The following PARVG variants were observed in gnomAD, a reference collection of about 807,000 sequenced individuals.
PARVG encodes the protein gamma-parvin.
PARVG carries 36 observed loss-of-function variants against 44.4 expected under a neutral mutation model. The observed-to-expected ratio is 0.81, with a 90% CI of 0.62 to 1.07. PARVG has a LOEUF of 1.07. Ranked by LOEUF, PARVG falls within the 50% of genes least tolerant of loss-of-function variation. The probability of loss-of-function intolerance (pLI) is 0.00; values close to 1 mark genes in which losing one functional copy is unlikely to be tolerated. For synonymous variants in PARVG, 170 were observed against 174.1 expected (o/e 0.98, Z 0.19); for missense variants, 407 against 407.4 (o/e 1.00, Z 0.01).
At position 44,193,814 on chromosome 22, in the gene PARVG, G is replaced by A. The variant is rs143986892; in HGVS notation, c.574G>A (p.Glu192Lys). The change falls in exon 9 of 14, where the codon GAG (glutamate) becomes AAG (lysine). Residue 192 changes from glutamate (E) to lysine (K), a missense_variant. Transcript: ENST00000444313. ...CCCACTGCACAGCACAGACAAGGAC[G>A]AGCCTCCAAGTGAGTACTTTCATCA... The part of the protein sequence containing the change: ...QLTEYSTDKD[E>K]PPKDVFDELF... 4.2e-5 allele frequency: 68 copies of A among 1,614,022 alleles called. No homozygotes were observed. The highest frequency in any genetic ancestry group is 5.4e-5 in the Non-Finnish European group (64 of 1,179,996).
intron 12 of PARVG, among the ~76,000 whole-genome samples, chr22:44,202,330 G>A (rs1361636713): frequency 6.6e-6 from 1 of 152,198 alleles, no homozygotes; most frequent in African/African-American, 2.4e-5. Flanking sequence ...GAGGAGAGAA[G>A]GCGGAGGAAG....
chr22:44,185,792 C>A lies in PARVG; in HGVS notation c.80-16C>A. ...ACAGGGTCCCCATGCGCTTGTCATA[C>A]CCACTCTGCTTCCAGGAGGAAAGAA... On this transcript the variant is annotated splice_polypyrimidine_tract_variant and intron_variant, in intron 3 of 13. Transcript: ENST00000444313. 1.2e-6 allele frequency: 2 copies of A among 1,611,138 alleles called. No individual in the cohort carries two copies. The highest frequency in any genetic ancestry group is 8.5e-7 in the Non-Finnish European group (1 of 1,177,998).
intron 12 of PARVG, among the ~76,000 whole-genome samples, chr22:44,199,978 G>C (rs1223767483): frequency 1.3e-5 from 2 of 152,146 alleles, no homozygotes; most frequent in East Asian, 3.9e-4. Context: ...CTGGGGAAGA[G>C]GGATGAAGAG....
chr22:44,181,608 A>G, intron 1 of PARVG, 134 bp from the exon 2 acceptor site: 3 of 677,200 alleles, frequency 4.4e-6, no homozygotes, highest in Non-Finnish European at 5.5e-6. Context: ...AAATGAAAGC[A>G]TTGAGTTTAA....
intron 4 of PARVG, 47 bp from the exon 5 acceptor site, chr22:44,187,729 G>A: frequency 6.3e-7 from 1 of 1,584,566 alleles, no homozygotes; most frequent in South Asian, 1.1e-5. Context: ...GGAGGGCCAG[G>A]TGAGAAGTCT....
intron 12 of PARVG, among the ~76,000 whole-genome samples, chr22:44,198,936 A>G (rs1378834251): frequency 1.8e-4 from 10 of 56,450 alleles, no homozygotes; most frequent in Admixed American, 3.5e-4. Flanking sequence ...CCATCCATCC[A>G]TCCACCCACC....
intron 11 of PARVG, among the ~76,000 whole-genome samples, 159 bp downstream of exon 11, chr22:44,196,574 C>T (rs2054620592): frequency 6.6e-6 from 1 of 150,810 alleles, no homozygotes; most frequent in African/African-American, 2.4e-5. Context: ...TGCTGGCAGG[C>T]AGCAGTGGTC....
At chr22:44,178,598 C>T (rs566058399), upstream of PARVG, among the ~76,000 whole-genome samples, 2 of 152,120 alleles carry the variant, frequency 1.3e-5, no homozygotes, top group Non-Finnish European at 1.5e-5. Context: ...GACCCACAAT[C>T]GGGAGAAAAA....
At chr22:44,172,956 C>T in exon 1 of PARVG, 1 of 1,285,064 alleles carries the variant, frequency 7.8e-7, no homozygotes, top group Non-Finnish European at 1.0e-6. Context: ...TGTCCACCGT[C>T]TTTGTTTGGC....
chr22:44,200,899 C>T (rs955320706), intron 12 of PARVG, among the ~76,000 whole-genome samples: 3 of 152,074 alleles, frequency 2.0e-5, no homozygotes, highest in Non-Finnish European at 2.9e-5. Flanking sequence ...CCTTCCTGGA[C>T]ACCCACCCTT....
chr22:44,185,663 A>C lies in PARVG; in HGVS notation c.80-145A>C, dbSNP rs901767819. The C allele has an allele frequency of 1.3e-5, 8 of 627,020 alleles. No homozygotes were observed. The Admixed American group carries it at 1.3e-4, about 10-fold the overall frequency. The allele number at this position is 627,020 out of a possible 1,614,324, so 38.8% of individuals were successfully genotyped here. A position where few individuals can be genotyped will look rare whatever the true frequency, so the allele number is the denominator to read the frequency against. ...GAGGATGAGCTGGTGTTCGTGAGGG[A>C]AATGAGGGAAAGCACGCTGGGGCGG... On this transcript the variant is annotated intron_variant, in intron 3 of 13. Transcript: ENST00000444313.
intron 12 of PARVG, among the ~76,000 whole-genome samples, chr22:44,201,313 C>T (rs1313947920): frequency 6.6e-5 from 10 of 152,328 alleles, no homozygotes; most frequent in African/African-American, 2.4e-4. Context: ...CGGGGCAGGG[C>T]TGCATCTCCA....
intron 12 of PARVG, among the ~76,000 whole-genome samples, chr22:44,205,470 G>A (rs1483697128): frequency 6.6e-6 from 1 of 152,252 alleles, no homozygotes; most frequent in Non-Finnish European, 1.5e-5. Flanking sequence ...TTCACGGGCA[G>A]TGGCCCCTGG....
At chr22:44,204,211 C>T (rs569869106) in intron 12 of PARVG, among the ~76,000 whole-genome samples, 3 of 152,314 alleles carry the variant, frequency 2.0e-5, no homozygotes, top group South Asian at 2.1e-4. Flanking sequence ...CCTGCCCATA[C>T]ACTCCTTTCC....
chr22:44,183,190 C>A (rs2147218505), intron 2 of PARVG, 128 bp from the exon 3 acceptor site: 2 of 778,154 alleles, frequency 2.6e-6, no homozygotes, highest in Middle Eastern at 2.8e-4. Flanking sequence ...CCTAGGCTGG[C>A]ATGCTGACGT....
At chr22:44,185,979 G>C (rs1195876839) in intron 4 of PARVG, 107 bp downstream of exon 4, 1 of 1,115,112 alleles carries the variant, frequency 9.0e-7, no homozygotes, top group African/African-American at 1.6e-5. Context: ...TTGGCCTCAG[G>C]CTGGGGGGTG....
chr22:44,181,467 C>T (rs1221664500), intron 1 of PARVG: 11 of 896,974 alleles, frequency 1.2e-5, no homozygotes, highest in Non-Finnish European at 1.5e-5. Context: ...AGGGTGGAGG[C>T]CAGGCTGACA....
chr22:44,199,491 C>T (rs2054676530), intron 12 of PARVG, among the ~76,000 whole-genome samples: 1 of 152,222 alleles, frequency 6.6e-6, no homozygotes, highest in Non-Finnish European at 1.5e-5. Context: ...CTGTTTAGTG[C>T]CAGGCCCTGA....
intron 5 of PARVG, 142 bp downstream of exon 5, chr22:44,188,020 C>T (rs2054498448): frequency 1.2e-6 from 1 of 864,590 alleles, no homozygotes; most frequent in South Asian, 1.5e-5. Flanking sequence ...TCTAGATGGG[C>T]CTGGGCTGGG....
Sources: allele counts gnomAD v4.1 joint callset (sites outside exome capture counted in the v4.1 genomes callset), GRCh38; gene constraint gnomAD v4.1.1; transcripts MANE v1.5; gene names NCBI Gene and HGNC (gene_info 2026-07-23, HGNC 2026-07-21).